Variants in USH2A observed in about 807,000 individuals in gnomAD.
The protein encoded by USH2A is usherin.
In USH2A, 443 loss-of-function variants were observed where a neutral mutation model predicts 538.9. The observed-to-expected ratio is 0.82, with a 90% CI of 0.76 to 0.89. USH2A has a LOEUF of 0.89. Ranked by LOEUF, USH2A falls within the 40% of genes least tolerant of loss-of-function variation. The pLI, the probability that USH2A is intolerant of heterozygous loss-of-function variation, is 0.00. For missense variants in USH2A, 6,633 were observed against 6,324.8 expected (o/e 1.05, Z -1.65); for synonymous variants, 2,413 against 2,273.5 (o/e 1.06, Z -1.75).
rs954163133 is a variant in USH2A at position 216,390,837 on chromosome 1, G to A, written c.652-25752C>T. On this transcript the variant is annotated intron_variant, in intron 3 of 71. Transcript: ENST00000307340. The stretch of plus-strand genomic sequence containing the variant: ...TAGTGTTGCAATTGCTCATCAATAA[G>A]ACTCCTTAAAATTAATCATTACTCG... 2.0e-5 allele frequency among the ~76,000 whole-genome samples: 3 copies of A among 152,206 alleles called. No individual in the cohort carries two copies. The South Asian group carries it at 6.2e-4, about 32-fold the overall frequency.
rs192078603 is a variant in USH2A at position 215,782,562 on chromosome 1, C to G, written c.10585+176G>C. ...TTTACTTATTTAGGCTAAAAATCTA[C>G]GAGGACTACACCACAAAGTGAGTGA... On this transcript the variant is annotated intron_variant, in intron 53 of 71. Coordinates refer to ENST00000307340, the MANE Select transcript of USH2A (RefSeq NM_206933.4). Among the ~76,000 whole-genome samples, 477 of 152,250 alleles carry G rather than the reference C, an allele frequency of 3.1e-3. 2 individuals are homozygous for G. Among genetic ancestry groups the G allele is most frequent in the Non-Finnish European group, 5.1e-3 (344 of 68,024 alleles).
chr1:216,197,978 G>C (rs2034889369), intron 18 of USH2A, among the ~76,000 whole-genome samples: 1 of 152,094 alleles, frequency 6.6e-6, no homozygotes, highest in Non-Finnish European at 1.5e-5. Flanking sequence ...GCTGTATATG[G>C]AGCAAGATGA....
At position 215,640,600 on chromosome 1, in the gene USH2A, C is replaced by T. The variant is rs200761611; in HGVS notation, c.14926G>A (p.Gly4976Ser). 36 of 1,613,728 alleles carry T rather than the reference C, an allele frequency of 2.2e-5. No individual in the cohort carries two copies. The highest frequency in any genetic ancestry group is 1.8e-5 in the Non-Finnish European group (21 of 1,179,952). Residue 4976 changes from glycine (G) to serine (S), a missense_variant, in exon 68 of 72, where the codon GGC (glycine) becomes AGC (serine). Physicochemically the swap from Gly to Ser is moderately conservative, Grantham distance 56. Transcript: ENST00000307340. ...GGTATGTAGAGGGTGGTGTCCAAGC[C>T]GCTGTACACGCGTCGCCCTCCGTCG... Reference protein sequence around the residue: ...LTDGGRRVYSGLDTTLYIPRT... With the variant: ...LTDGGRRVYSSLDTTLYIPRT...
intron 37 of USH2A, among the ~76,000 whole-genome samples, chr1:215,937,849 T>A (rs906423695): frequency 6.6e-6 from 1 of 152,122 alleles, no homozygotes; most frequent in Non-Finnish European, 1.5e-5. Flanking sequence ...TAAATATGTA[T>A]GAGTATAATA....
At chr1:215,899,824 G>A (rs1049517829) in intron 40 of USH2A, among the ~76,000 whole-genome samples, 1 of 152,090 alleles carries the variant, frequency 6.6e-6, no homozygotes, top group African/African-American at 2.4e-5. Flanking sequence ...ATAGAATGGG[G>A]CCATATCATA....
intron 38 of USH2A, among the ~76,000 whole-genome samples, chr1:215,932,166 G>A (rs767492560): frequency 6.6e-6 from 1 of 151,896 alleles, no homozygotes; most frequent in Non-Finnish European, 1.5e-5. Flanking sequence ...CACCATAAGA[G>A]AGATCTAATA....
chr1:215,758,681 G>A lies in USH2A; in HGVS notation c.11303C>T (p.Pro3768Leu). The A allele has an allele frequency of 6.2e-7, 1 of 1,613,714 alleles. No homozygotes were observed. The highest frequency in any genetic ancestry group is 8.5e-7 in the Non-Finnish European group (1 of 1,179,812). The change falls in exon 58 of 72, where the codon CCT (proline) becomes CTT (leucine). Residue 3768 changes from proline (P) to leucine (L), a missense_variant. Coordinates refer to ENST00000307340, the MANE Select transcript of USH2A (RefSeq NM_206933.4). ...SASDDYIVQT[P>L]MSTPEEIYPP... is the part of the protein sequence containing the mutation. ...ATAGATTTCTTCTGGTGTTGACATA[G>A]GTGTTTGAACAATGTAATCATCACT...
Position 215,645,083 on chromosome 1 carries a change from T to A in USH2A, c.14791+2439A>T, listed in dbSNP as rs139705051. ...TATATGCAGGTAGCTTTGTCTGCAG[T>A]GGGAAGTGGAGCAAATTACTGACTG... is the stretch of plus-strand genomic sequence containing the variant. On this transcript the variant is annotated intron_variant, in intron 67 of 71. Transcript: ENST00000307340. 1.1e-4 allele frequency among the ~76,000 whole-genome samples: 16 copies of A among 152,240 alleles called. 1 individual carries two copies. The East Asian group carries it at 3.1e-3, about 29-fold the overall frequency.
At chr1:215,856,213 G>T (rs1221273428) in intron 44 of USH2A, among the ~76,000 whole-genome samples, 1 of 152,198 alleles carries the variant, frequency 6.6e-6, no homozygotes, top group Non-Finnish European at 1.5e-5. Flanking sequence ...AAAAGCTTCT[G>T]CACAGCAAAA....
intron 38 of USH2A, among the ~76,000 whole-genome samples, chr1:215,917,883 A>C (rs1666001005): frequency 6.6e-6 from 1 of 151,282 alleles, no homozygotes; most frequent in Non-Finnish European, 1.5e-5. Flanking sequence ...CAATTGCTTG[A>C]GCCCAGGAGA....
chr1:216,276,405 T>C (rs2036671120), intron 11 of USH2A, among the ~76,000 whole-genome samples: 1 of 152,048 alleles, frequency 6.6e-6, no homozygotes, highest in African/African-American at 2.4e-5. Context: ...GAGGCAGGGT[T>C]CTATGGCCCA....
At chr1:216,301,040 A>G (rs1856690) in intron 9 of USH2A, among the ~76,000 whole-genome samples, 145,773 of 152,034 alleles carry the variant, frequency 0.96, 70,028 homozygotes, top group East Asian at 1. Flanking sequence ...GGGAGCCACC[A>G]TGACAAGCCA....
At chr1:215,931,567 G>A (rs1015931321) in intron 38 of USH2A, among the ~76,000 whole-genome samples, 7 of 152,032 alleles carry the variant, frequency 4.6e-5, no homozygotes, top group African/African-American at 1.4e-4. Flanking sequence ...ACATTGGACA[G>A]TGGTGTACAG....
chr1:215,845,940 T>G lies in USH2A; in HGVS notation c.8939A>C (p.Asn2980Thr). The G allele has an allele frequency of 1.2e-6, 2 of 1,613,776 alleles. No homozygotes were observed. The highest frequency in any genetic ancestry group is 1.7e-6 in the Non-Finnish European group (2 of 1,179,882). Residue 2980 changes from asparagine (N) to threonine (T), a missense_variant, in exon 45 of 72, where the codon AAC becomes ACC. By Grantham distance (65) the Asn-to-Thr change is moderately conservative. Transcript: ENST00000307340. ...NDSLKILPDV[N>T]SHVIGHLKPN... ...CTTTAGGTGGCCAATGACATGAGAG[T>G]TTACATCTGGCAAGATTTTTAGAGA...
intron 11 of USH2A, among the ~76,000 whole-genome samples, chr1:216,262,387 A>G (rs574181428): frequency 7.2e-5 from 11 of 152,266 alleles, no homozygotes; most frequent in Middle Eastern, 3.4e-3. Context: ...AAAATGAACC[A>G]AACAGAAATA....
chr1:215,823,117 G>A (rs1663058153), intron 47 of USH2A, among the ~76,000 whole-genome samples: 1 of 151,956 alleles, frequency 6.6e-6, no homozygotes, highest in Admixed American at 6.6e-5. Flanking sequence ...GTTTGTCTGT[G>A]TACTTAATTT....
chr1:216,315,844 G>A (rs979281051), intron 9 of USH2A, among the ~76,000 whole-genome samples: 1 of 152,182 alleles, frequency 6.6e-6, no homozygotes, highest in Admixed American at 6.5e-5. Flanking sequence ...AATGATTCAT[G>A]CAAGTTCAAT....
At chr1:216,288,832 T>C (rs1467858211) in intron 11 of USH2A, among the ~76,000 whole-genome samples, 1 of 152,134 alleles carries the variant, frequency 6.6e-6, no homozygotes, top group Non-Finnish European at 1.5e-5. Context: ...CATTGTACTT[T>C]TAAGAGGGAA....
At chr1:215,707,227 G>A (rs1315403029) in intron 61 of USH2A, among the ~76,000 whole-genome samples, 1 of 152,190 alleles carries the variant, frequency 6.6e-6, no homozygotes. Flanking sequence ...ATGATCTGCT[G>A]TCTCATATGT....
Sources: allele counts gnomAD v4.1 joint callset (sites outside exome capture counted in the v4.1 genomes callset), GRCh38; gene constraint gnomAD v4.1.1; transcripts MANE v1.5; gene names NCBI Gene and HGNC (gene_info 2026-07-23, HGNC 2026-07-21).